PHLPP1: variants seen among roughly 807,000 people sequenced by gnomAD.
PHLPP1 encodes PH domain and leucine rich repeat protein phosphatase 1, also known as PH domain leucine-rich repeat-containing protein phosphatase 1.
A neutral mutation model predicts 117.2 loss-of-function variants in PHLPP1; 42 were observed. That is an observed-to-expected ratio of 0.36 (90% confidence interval 0.28 to 0.46). PHLPP1 has a LOEUF of 0.46. Among genes scored for constraint, PHLPP1 ranks in the 20% least tolerant of loss-of-function variants. The pLI is 1.00. For synonymous variants in PHLPP1, 1,042 were observed against 970.7 expected, an observed-to-expected ratio of 1.07 and a Z score of -1.37; for missense variants, 2,084 against 2,241.9, an observed-to-expected ratio of 0.93 and a Z score of 1.42.
At position 62,955,169 on chromosome 18, in the gene PHLPP1, G is replaced by A. The variant is rs540949373; in HGVS notation, c.3325-3460G>A. Among the ~76,000 whole-genome samples the A allele has an allele frequency of 5.3e-5, 8 of 152,376 alleles. No individual in the cohort carries two copies. In the South Asian group the frequency reaches 1.7e-3, roughly 32 times the overall value. On this transcript the variant is annotated intron_variant, in intron 12 of 16. Coordinates refer to ENST00000262719, the MANE Select transcript of PHLPP1 (RefSeq NM_194449.4). ...CATGAAGAAAAGAGTTCCAAGCACA[G>A]AGAGAAGCATGTGTTAAGGCACAGA... is the stretch of plus-strand genomic sequence containing the variant.
chr18:62,838,726 A>G (rs925812592), intron 2 of PHLPP1, 58 bp from the exon 3 acceptor site: 2 of 1,580,826 alleles, frequency 1.3e-6, no homozygotes, highest in Non-Finnish European at 1.7e-6. Context: ...AGTTAGTGAA[A>G]TACATCAGTG....
chr18:62,725,491 T>C (rs1230385060), intron 1 of PHLPP1, among the ~76,000 whole-genome samples: 1 of 152,192 alleles, frequency 6.6e-6, no homozygotes, highest in Non-Finnish European at 1.5e-5. Context: ...TTCAGGTACA[T>C]GTACGCAGTT....
chr18:62,831,489 C>T (rs1914755713), intron 2 of PHLPP1, among the ~76,000 whole-genome samples: 1 of 152,036 alleles, frequency 6.6e-6, no homozygotes, highest in Non-Finnish European at 1.5e-5. Context: ...AGGCGCATGA[C>T]ACCATATCCA....
At chr18:62,877,468 G>A (rs2144380069) in intron 4 of PHLPP1, among the ~76,000 whole-genome samples, 1 of 152,342 alleles carries the variant, frequency 6.6e-6, no homozygotes, top group Non-Finnish European at 1.5e-5. Flanking sequence ...GCTGCAGACT[G>A]CTGAAGAAAG....
At chr18:62,722,679 A>G (rs757420595) in intron 1 of PHLPP1, among the ~76,000 whole-genome samples, 3 of 152,198 alleles carry the variant, frequency 2.0e-5, no homozygotes, top group Admixed American at 6.5e-5. Flanking sequence ...AAAATCCACC[A>G]TATGAATTCA....
At chr18:62,974,778 T>C (rs1324551385) in intron 15 of PHLPP1, among the ~76,000 whole-genome samples, 1 of 152,244 alleles carries the variant, frequency 6.6e-6, no homozygotes, top group Non-Finnish European at 1.5e-5. Context: ...ATTTGATTAC[T>C]AGAATGTCCT....
At chr18:62,859,433 ATATT>A (rs1480112527) in intron 3 of PHLPP1, among the ~76,000 whole-genome samples, 1 of 152,218 alleles carries the variant, frequency 6.6e-6, no homozygotes, top group African/African-American at 2.4e-5. Context: ...ATCTGGATAA[ATATT>A]TAGACATAAA....
intron 1 of PHLPP1, among the ~76,000 whole-genome samples, chr18:62,735,163 G>T (rs142178730): frequency 6.6e-6 from 1 of 151,686 alleles, no homozygotes; most frequent in African/African-American, 2.4e-5. Flanking sequence ...TTCCACCTCA[G>T]CCTCCCTAGT....
At chr18:62,767,591 C>T (rs1010698589) in intron 1 of PHLPP1, among the ~76,000 whole-genome samples, 4 of 152,166 alleles carry the variant, frequency 2.6e-5, no homozygotes, top group African/African-American at 7.2e-5. Context: ...GTGGCATAGG[C>T]GTGAAATCTT....
rs112459558 is a variant in PHLPP1, at chr18:62,973,625, C to T, written c.3755+917C>T. On this transcript the variant is annotated intron_variant, in intron 15 of 16. Coordinates refer to ENST00000262719, the MANE Select transcript of PHLPP1 (RefSeq NM_194449.4). Reference sequence around the variant, plus strand: ...AGAGCAGCCTTTACAGTGATACCTGCATCACAAATGGTTCCTCTCAGAGAG... The same window carrying T: ...AGAGCAGCCTTTACAGTGATACCTGTATCACAAATGGTTCCTCTCAGAGAG... 3.7e-3 allele frequency among the ~76,000 whole-genome samples: 567 copies of T among 152,282 alleles called. 4 individuals are homozygous for T. The highest frequency in any genetic ancestry group is 0.01 in the Middle Eastern group (3 of 294).
intron 1 of PHLPP1, among the ~76,000 whole-genome samples, chr18:62,722,517 C>T (rs1385216486): frequency 6.6e-6 from 1 of 152,034 alleles, no homozygotes; most frequent in Admixed American, 6.6e-5. Flanking sequence ...TTTAAAGTTC[C>T]ACCTTCTAAA....
rs1568092002 is a variant in PHLPP1, at chr18:62,717,067, GCGCCTCCGC to G, written c.1389_1397del (p.Pro467_Pro469del). ...GAGGAGCGGGGTGACCGCGGAGAAG[GCGCCTCCGC>G]CGCCCCCGCCGCCCACCCTGTACGT... is the stretch of plus-strand genomic sequence containing the variant. On this transcript the variant is annotated inframe_deletion, in exon 1 of 17. Coordinates refer to ENST00000262719, the MANE Select transcript of PHLPP1 (RefSeq NM_194449.4). The G allele has an allele frequency of 6.5e-6, 10 of 1,545,900 alleles. No individual in the cohort carries two copies. The highest frequency in any genetic ancestry group is 3.6e-5 in the South Asian group (3 of 83,868).
chr18:62,738,279 C>A (rs959209890), intron 1 of PHLPP1, among the ~76,000 whole-genome samples: 15 of 151,968 alleles, frequency 9.9e-5, no homozygotes, highest in Admixed American at 9.2e-4. Context: ...TGGCTTGAGC[C>A]TGGGAGGCCG....
intron 12 of PHLPP1, among the ~76,000 whole-genome samples, chr18:62,956,603 A>G (rs1348250494): frequency 1.3e-5 from 2 of 152,184 alleles, no homozygotes; most frequent in Admixed American, 6.5e-5. Flanking sequence ...CTTTTAAAAA[A>G]TATATATGAA....
chr18:62,872,464 G>A (rs1341856506), intron 4 of PHLPP1, among the ~76,000 whole-genome samples: 3 of 152,044 alleles, frequency 2.0e-5, no homozygotes, highest in Non-Finnish European at 2.9e-5. Flanking sequence ...AGGCCGAGGT[G>A]GGTGAATCAT....
chr18:62,962,988 G>A (rs1163349497), intron 13 of PHLPP1, among the ~76,000 whole-genome samples: 1 of 152,066 alleles, frequency 6.6e-6, no homozygotes, highest in African/African-American at 2.4e-5. Flanking sequence ...TTTTGTTGTT[G>A]TTCTTTCTGA....
chr18:62,917,827 AG>A (rs901547230), intron 9 of PHLPP1, among the ~76,000 whole-genome samples: 1 of 151,432 alleles, frequency 6.6e-6, no homozygotes, highest in African/African-American at 2.4e-5. Context: ...AAAAAGAAAA[AG>A]AAAAAAAAAA....
chr18:62,888,955 G>A (rs1490601421), intron 4 of PHLPP1, among the ~76,000 whole-genome samples: 1 of 152,008 alleles, frequency 6.6e-6, no homozygotes, highest in Non-Finnish European at 1.5e-5. Flanking sequence ...CCAAATACTC[G>A]AGGGAAGTGA....
intron 5 of PHLPP1, 86 bp from the exon 6 acceptor site, chr18:62,895,695 G>A (rs1166815726): frequency 1.2e-5 from 10 of 860,830 alleles, no homozygotes; most frequent in South Asian, 6.1e-5. Flanking sequence ...CTGGTAATAC[G>A]GTCTACACTT....
Sources: allele counts gnomAD v4.1 joint callset (sites outside exome capture counted in the v4.1 genomes callset), GRCh38; gene constraint gnomAD v4.1.1; transcripts MANE v1.5; gene names NCBI Gene and HGNC (gene_info 2026-07-23, HGNC 2026-07-21).